Variants in WWTR1 observed in about 807,000 individuals in gnomAD.
The protein encoded by WWTR1 is WW domain containing transcription regulator 1, also known as WW domain-containing transcription regulator protein 1.
Under a neutral mutation model 40.1 loss-of-function variants are expected in WWTR1, and 13 were observed. That is an observed-to-expected ratio of 0.32 (90% CI 0.21 to 0.52). WWTR1 has a LOEUF of 0.52. WWTR1 is among the 20% of genes least tolerant of loss of function. The pLI is 0.97. For missense variants in WWTR1, 436 were observed against 523.1 expected (o/e 0.83, Z 1.63); for synonymous variants, 230 against 210.1 (o/e 1.09, Z -0.82).
rs186923251 is a variant in WWTR1 at position 149,523,061 on chromosome 3, G to A, written c.1019-2072C>T. ...AGCCTGGGTGACAGAATGAGACCCC[G>A]TATTAAAAAAAAAAAAAAAAATTAC... On this transcript the variant is annotated intron_variant, in intron 6 of 6. Transcript: ENST00000360632. Among the ~76,000 whole-genome samples the A allele has an allele frequency of 5.8e-3, 569 of 98,800 alleles. 2 individuals are homozygous for A. Among genetic ancestry groups the A allele is most frequent in the Non-Finnish European group, 9.8e-3 (374 of 37,982 alleles). The allele number at this position is 98,800 out of a possible 152,430, so 64.8% of individuals were successfully genotyped here.
At chr3:149,643,725 T>C (rs891554147) in intron 2 of WWTR1, among the ~76,000 whole-genome samples, 1 of 152,202 alleles carries the variant, frequency 6.6e-6, no homozygotes, top group African/African-American at 2.4e-5. Context: ...CCTCAGGCCC[T>C]GTTATGACCT....
chr3:149,707,029 T>C (rs1373339616), upstream of WWTR1, among the ~76,000 whole-genome samples: 2 of 152,196 alleles, frequency 1.3e-5, no homozygotes, highest in Middle Eastern at 3.2e-3. Context: ...TCCATTGTTC[T>C]CAGATGGGCC....
chr3:149,658,949 G>A (rs990180671), upstream of WWTR1, among the ~76,000 whole-genome samples: 3 of 152,152 alleles, frequency 2.0e-5, no homozygotes, highest in Non-Finnish European at 4.4e-5. Flanking sequence ...GAGAGGGTGC[G>A]CCAGTGACCC....
intron 2 of WWTR1, among the ~76,000 whole-genome samples, chr3:149,653,190 T>C (rs1042528270): frequency 2.0e-5 from 3 of 152,260 alleles, no homozygotes; most frequent in Admixed American, 6.5e-5. Flanking sequence ...GAAATTCTAC[T>C]GAAGCTAGAT....
chr3:149,540,293 T>C (rs759007236), intron 4 of WWTR1: 20 of 456,560 alleles, frequency 4.4e-5, no homozygotes, highest in South Asian at 3.1e-4. Context: ...ATTTCTGTAA[T>C]ATGAACCATC....
intron 4 of WWTR1, among the ~76,000 whole-genome samples, chr3:149,531,078 G>A (rs1390976348): frequency 6.6e-6 from 1 of 152,092 alleles, no homozygotes; most frequent in Non-Finnish European, 1.5e-5. Flanking sequence ...GGGACTACAG[G>A]CATGTGCCAC....
At chr3:149,593,188 T>A (rs2108034569) in intron 2 of WWTR1, among the ~76,000 whole-genome samples, 1 of 152,318 alleles carries the variant, frequency 6.6e-6, no homozygotes, top group East Asian at 1.9e-4. Flanking sequence ...AGTTACCGAC[T>A]ACCAGTGGCA....
At chr3:149,555,151 G>A (rs1341348822) in intron 3 of WWTR1, among the ~76,000 whole-genome samples, 1 of 152,186 alleles carries the variant, frequency 6.6e-6, no homozygotes, top group Non-Finnish European at 1.5e-5. Context: ...AAGAGAAAAC[G>A]AATCTACAGC....
At chr3:149,581,554 T>A (rs940746422) in intron 2 of WWTR1, among the ~76,000 whole-genome samples, 2 of 152,184 alleles carry the variant, frequency 1.3e-5, no homozygotes, top group Non-Finnish European at 2.9e-5. Flanking sequence ...GGGATTTTTT[T>A]AGGATCCTCT....
intron 5 of WWTR1, among the ~76,000 whole-genome samples, chr3:149,526,765 CT>C (rs1250889765): frequency 6.6e-6 from 1 of 152,170 alleles, no homozygotes; most frequent in African/African-American, 2.4e-5. Flanking sequence ...GTTTTTATCT[CT>C]ATCTTTAATA....
At chr3:149,656,728 GA>G (rs1713222974) in intron 2 of WWTR1, 147 bp downstream of exon 2, 5 of 817,910 alleles carry the variant, frequency 6.1e-6, no homozygotes, top group Non-Finnish European at 8.8e-6. Flanking sequence ...CCATATCTGT[GA>G]AATAACCGTG....
At chr3:149,558,571 A>G (rs1736948365) in intron 3 of WWTR1, among the ~76,000 whole-genome samples, 1 of 152,186 alleles carries the variant, frequency 6.6e-6, no homozygotes, top group African/African-American at 2.4e-5. Flanking sequence ...ACCTTCATCA[A>G]GTGATCAAAG....
rs1713363186 is a variant in WWTR1, at chr3:149,658,015, G to A, written c.-254C>T. Reference sequence around the variant, plus strand: ...AGAAGCAGACAGCGCGGCCGCAGCAGCTCCCGGACTGTCCCATAAACAAAG... The same window carrying A: ...AGAAGCAGACAGCGCGGCCGCAGCAACTCCCGGACTGTCCCATAAACAAAG... On this transcript the variant is annotated 5_prime_UTR_variant, in exon 1 of 7. Transcript: ENST00000360632. 2 of 153,144 alleles carry A rather than the reference G, an allele frequency of 1.3e-5. No individual in the cohort carries two copies. Among genetic ancestry groups the A allele is most frequent in the Non-Finnish European group, 2.9e-5 (2 of 68,812 alleles). 9.5% of individuals were successfully genotyped at this position (153,144 alleles called of 1,614,324 possible).
chr3:149,602,722 T>C (rs912987106), intron 2 of WWTR1, among the ~76,000 whole-genome samples: 3 of 152,214 alleles, frequency 2.0e-5, no homozygotes, highest in African/African-American at 4.8e-5. Flanking sequence ...TGGAGTGCAG[T>C]GGCACGATCT....
intron 2 of WWTR1, among the ~76,000 whole-genome samples, chr3:149,602,241 G>A (rs367768154): frequency 3.2e-4 from 48 of 152,252 alleles, no homozygotes; most frequent in South Asian, 6.2e-4. Context: ...AGAATTTTCC[G>A]TCTGCAGAGT....
chr3:149,677,722 C>T (rs1714316285), intron 1 of WWTR1, among the ~76,000 whole-genome samples: 1 of 151,886 alleles, frequency 6.6e-6, no homozygotes, highest in Non-Finnish European at 1.5e-5. Flanking sequence ...TGCCTATAAT[C>T]CCAGTTACTC....
chr3:149,611,646 G>A (rs80031622), intron 2 of WWTR1, among the ~76,000 whole-genome samples: 1 of 152,190 alleles, frequency 6.6e-6, no homozygotes, highest in Non-Finnish European at 1.5e-5. Context: ...GGCGAGATGA[G>A]TCTGAGCAAT....
At chr3:149,668,636 A>G (rs1345948623) in intron 2 of WWTR1, among the ~76,000 whole-genome samples, 1 of 152,038 alleles carries the variant, frequency 6.6e-6, no homozygotes, top group African/African-American at 2.4e-5. Context: ...CTGAGTCTTC[A>G]TTGCTTCACA....
At chr3:149,526,461 C>T (rs995220440) in intron 5 of WWTR1, among the ~76,000 whole-genome samples, 4 of 151,282 alleles carry the variant, frequency 2.6e-5, no homozygotes, top group African/African-American at 7.3e-5. Context: ...GATACATACA[C>T]TAACGGGCAG....
Sources: allele counts gnomAD v4.1 joint callset (sites outside exome capture counted in the v4.1 genomes callset), GRCh38; gene constraint gnomAD v4.1.1; transcripts MANE v1.5; gene names NCBI Gene and HGNC (gene_info 2026-07-23, HGNC 2026-07-21).